The following ATP10A variants were observed in gnomAD, a reference collection of about 807,000 sequenced individuals.
The protein encoded by ATP10A is phospholipid-transporting ATPase VA.
In ATP10A, 111 loss-of-function variants were observed where a neutral mutation model predicts 147.8. The observed-to-expected ratio is 0.75, with a 90% confidence interval of 0.64 to 0.88. The LOEUF is 0.88. Among genes scored for constraint, ATP10A ranks in the 40% least tolerant of loss-of-function variants. ATP10A has a pLI of 0.00. For synonymous variants in ATP10A, 875 were observed against 841.6 expected, an observed-to-expected ratio of 1.04 and a Z score of -0.69; for missense variants, 1,927 against 1,959.0, an observed-to-expected ratio of 0.98 and a Z score of 0.31.
chr15:25,835,736 G>A (rs1360010872), intron 1 of ATP10A, among the ~76,000 whole-genome samples: 1 of 152,104 alleles, frequency 6.6e-6, no homozygotes, highest in Non-Finnish European at 1.5e-5. Context: ...GGCTCAAGCG[G>A]TCCTCCCACC....
chr15:25,830,034 G>A (rs773495531), intron 1 of ATP10A, among the ~76,000 whole-genome samples: 35 of 152,226 alleles, frequency 2.3e-4, no homozygotes, highest in South Asian at 1.5e-3. Context: ...AGGAGGCCTC[G>A]GTCACCATCT....
intron 2 of ATP10A, among the ~76,000 whole-genome samples, chr15:25,780,755 C>G (rs983395663): frequency 6.6e-6 from 1 of 152,170 alleles, no homozygotes; most frequent in African/African-American, 2.4e-5. Context: ...TGTAACTTTA[C>G]AGGAACAAAT....
At chr15:25,835,418 T>A (rs749653321) in intron 1 of ATP10A, among the ~76,000 whole-genome samples, 4 of 152,170 alleles carry the variant, frequency 2.6e-5, no homozygotes, top group African/African-American at 7.2e-5. Flanking sequence ...TGGGTCTCAA[T>A]AAAGCCCCCG....
chr15:25,785,581 G>A (rs1203566570), intron 1 of ATP10A, among the ~76,000 whole-genome samples: 4 of 152,200 alleles, frequency 2.6e-5, no homozygotes, highest in African/African-American at 7.2e-5. Flanking sequence ...TGAAGGGCAG[G>A]CAGAAGCAGT....
intron 1 of ATP10A, among the ~76,000 whole-genome samples, chr15:25,819,945 G>A (rs1231282461): frequency 6.6e-6 from 1 of 152,098 alleles, no homozygotes; most frequent in Admixed American, 6.5e-5. Flanking sequence ...GGAAGGAGGT[G>A]AGGGATGAGA....
chr15:25,674,908 G>C (rs1346801225), downstream of ATP10A, among the ~76,000 whole-genome samples: 1 of 152,270 alleles, frequency 6.6e-6, no homozygotes, highest in Non-Finnish European at 1.5e-5. Flanking sequence ...CCTCCAGCCA[G>C]AGAGGCTGGG....
intron 2 of ATP10A, among the ~76,000 whole-genome samples, chr15:25,776,817 T>C (rs1413462067): frequency 1.3e-5 from 2 of 152,134 alleles, no homozygotes; most frequent in Admixed American, 1.3e-4. Context: ...ACAACCCTAT[T>C]CCGCCTCTGG....
chr15:25,839,083 C>T (rs981033666), intron 1 of ATP10A, among the ~76,000 whole-genome samples: 4 of 152,140 alleles, frequency 2.6e-5, no homozygotes, highest in Admixed American at 1.3e-4. Context: ...GACTTAACAG[C>T]GGGCTTGTAT....
chr15:25,786,513 C>A (rs1286003577), intron 1 of ATP10A, among the ~76,000 whole-genome samples: 1 of 151,906 alleles, frequency 6.6e-6, no homozygotes, highest in South Asian at 2.1e-4. Context: ...TGGACCTCCC[C>A]TACAAAGGCC....
intron 10 of ATP10A, among the ~76,000 whole-genome samples, chr15:25,712,308 A>G (rs1258809182): frequency 6.6e-6 from 1 of 152,164 alleles, no homozygotes; most frequent in Non-Finnish European, 1.5e-5. Context: ...ATGTAAAAAA[A>G]TATGTTGCCA....
At position 25,714,033 on chromosome 15, in the gene ATP10A, G is replaced by A. The variant is rs1218872354; in HGVS notation, c.1985C>T (p.Thr662Ile). Reference sequence around the variant, plus strand: ...GTAGCCGTTGCTGGCGATGGCCGAGGTGGGCTGGCCCAGCCTCTCCTCCAG... The same window carrying A: ...GTAGCCGTTGCTGGCGATGGCCGAGATGGGCTGGCCCAGCCTCTCCTCCAG... ...LRLEERLGQP[T>I]SAIASNGYSS... Residue 662 changes from threonine (T) to isoleucine (I), a missense_variant, in exon 10 of 21, where the codon ACC becomes ATC. By Grantham distance (89) the Thr-to-Ile change is moderately conservative. Coordinates refer to ENST00000555815, the MANE Select transcript of ATP10A (RefSeq NM_024490.4). 2 of 1,611,276 alleles carry A rather than the reference G, an allele frequency of 1.2e-6. No homozygotes were observed. The highest frequency in any genetic ancestry group is 1.7e-6 in the Non-Finnish European group (2 of 1,179,916).
chr15:25,741,149 C>T (rs529557853), intron 2 of ATP10A, among the ~76,000 whole-genome samples: 6 of 152,344 alleles, frequency 3.9e-5, no homozygotes, highest in Admixed American at 3.9e-4. Context: ...CTGGAGCTGG[C>T]TCCCATTCCT....
rs1491364469 is a variant in ATP10A, at chr15:25,789,566, G to GTGTGTT, written c.450-8344_450-8343insAACACA. On this transcript the variant is annotated intron_variant, in intron 1 of 20. Transcript: ENST00000555815. ...TTTCATATGGTGGACCAATAAAGAA[G>GTGTGTT]TGTGTGTGTGTGTGTGTGTGTGTGT... 5.3e-3 allele frequency among the ~76,000 whole-genome samples: 141 copies of GTGTGTT among 26,738 alleles called. 1 individual carries two copies. The highest frequency in any genetic ancestry group is 0.043 in the African/African-American group (136 of 3,172). The allele number at this position is 26,738 out of a possible 152,430, so 17.5% of individuals were successfully genotyped here. A position where few individuals can be genotyped will look rare whatever the true frequency, so the allele number is the denominator to read the frequency against.
At chr15:25,733,481 A>C (rs773477036) in intron 3 of ATP10A, among the ~76,000 whole-genome samples, 8 of 152,110 alleles carry the variant, frequency 5.3e-5, no homozygotes, top group Non-Finnish European at 1.2e-4. Context: ...CTTCAGGCTG[A>C]TGGTCCGGGG....
intron 1 of ATP10A, among the ~76,000 whole-genome samples, chr15:25,829,006 TG>T: frequency 6.6e-6 from 1 of 152,276 alleles, no homozygotes; most frequent in Non-Finnish European, 1.5e-5. Context: ...TGCATAACGC[TG>T]GAACATGTGC....
At chr15:25,689,769 C>G (rs1270428799) in intron 15 of ATP10A, among the ~76,000 whole-genome samples, 1 of 152,262 alleles carries the variant, frequency 6.6e-6, no homozygotes, top group East Asian at 1.9e-4. Context: ...TATGGCTCAG[C>G]TGTTCCCATC....
intron 17 of ATP10A, among the ~76,000 whole-genome samples, 197 bp from the exon 18 acceptor site, chr15:25,681,271 T>C (rs538241712): frequency 2.0e-5 from 3 of 152,200 alleles, no homozygotes; most frequent in South Asian, 4.1e-4. Flanking sequence ...AATGATCATA[T>C]CCACAGAAAA....
At chr15:25,825,144 C>A (rs1426468560) in intron 1 of ATP10A, among the ~76,000 whole-genome samples, 1 of 152,182 alleles carries the variant, frequency 6.6e-6, no homozygotes, top group Non-Finnish European at 1.5e-5. Context: ...CCTGGAAAAT[C>A]CCATTCACAA....
intron 1 of ATP10A, among the ~76,000 whole-genome samples, chr15:25,851,665 A>G (rs990589279): frequency 6.6e-6 from 1 of 152,150 alleles, no homozygotes; most frequent in Admixed American, 6.5e-5. Context: ...CTCAGTGGGG[A>G]TCGGATCTAT....
Sources: allele counts gnomAD v4.1 joint callset (sites outside exome capture counted in the v4.1 genomes callset), GRCh38; gene constraint gnomAD v4.1.1; transcripts MANE v1.5; gene names NCBI Gene and HGNC (gene_info 2026-07-23, HGNC 2026-07-21).